Variants in SLC38A8 observed in about 807,000 individuals in gnomAD.
SLC38A8 encodes the protein amino acid transporter SLC38A8.
SLC38A8 carries 65 observed loss-of-function variants against 46.0 expected under a neutral mutation model. The ratio of observed to expected loss-of-function variants is 1.41; its 90% CI spans 1.16 to 1.74. The LOEUF (loss-of-function observed/expected upper bound fraction) is 1.74. Among genes scored for constraint, SLC38A8 ranks in the 40% most tolerant of loss-of-function variants. The probability of loss-of-function intolerance (pLI) is 0.00; values close to 1 mark genes in which losing one functional copy is unlikely to be tolerated. For missense variants in SLC38A8, 998 were observed against 567.9 expected (o/e 1.76, Z -7.70); for synonymous variants, 447 against 243.7 (o/e 1.83, Z -7.77).
chr16:84,012,768 G>A (rs1207493985), intron 10 of SLC38A8, among the ~76,000 whole-genome samples: 1 of 152,214 alleles, frequency 6.6e-6, no homozygotes, highest in African/African-American at 2.4e-5. Context: ...CCCAACCACA[G>A]ACCCTCAGAG....
At chr16:84,013,422 G>GTTTTTTTTGTT (rs369454720) in intron 9 of SLC38A8, among the ~76,000 whole-genome samples, 1 of 108,700 alleles carries the variant, frequency 9.2e-6, no homozygotes, top group Non-Finnish European at 1.8e-5. Flanking sequence ...TGTTGTGTGT[G>GTTTTTTTTGTT]TGTTTTTTTT....
At chr16:84,038,982 A>G (rs1176304787) in intron 2 of SLC38A8, among the ~76,000 whole-genome samples, 1 of 152,212 alleles carries the variant, frequency 6.6e-6, no homozygotes, top group Admixed American at 6.5e-5. Context: ...CCACAAGGAA[A>G]ATGTTAATTA....
At chr16:84,031,990 G>A (rs757693259) in intron 4 of SLC38A8, 22 bp from the exon 5 acceptor site, 1 of 1,603,442 alleles carries the variant, frequency 6.2e-7, no homozygotes, top group Non-Finnish European at 8.5e-7. Flanking sequence ...ACCGTGTGAG[G>A]GGCTGCGCAG....
chr16:84,019,236 G>A (rs538639828), intron 7 of SLC38A8, among the ~76,000 whole-genome samples: 13 of 152,034 alleles, frequency 8.6e-5, no homozygotes, highest in Admixed American at 2.6e-4. Context: ...CACCATGCTC[G>A]GCTATATTTT....
At chr16:84,038,048 C>T (rs1418837669) in intron 2 of SLC38A8, among the ~76,000 whole-genome samples, 3 of 151,176 alleles carry the variant, frequency 2.0e-5, no homozygotes, top group Admixed American at 6.6e-5. Context: ...CTATGGCTCA[C>T]GCCTGTAATC....
At position 84,017,201 on chromosome 16, in the gene SLC38A8, C is replaced by T. The variant is rs575070779; in HGVS notation, c.892G>A (p.Ala298Thr). 1.7e-5 allele frequency: 28 copies of T among 1,614,004 alleles called. No homozygotes were observed. Among genetic ancestry groups the T allele is most frequent in the Non-Finnish European group, 2.3e-5 (27 of 1,180,030 alleles). Reference sequence around the variant, plus strand: ...ATGGAGACAGCAAAAAGGACCCGGGCCACAATGATGACCATATCATTGCCT... The same window carrying T: ...ATGGAGACAGCAAAAAGGACCCGGGTCACAATGATGACCATATCATTGCCT... ...YPGNDMVIIV[A>T]RVLFAVSIVT... Residue 298 changes from alanine to threonine, a missense_variant, in exon 8 of 11, where the codon GCC becomes ACC. Coordinates refer to ENST00000299709, the MANE Select transcript of SLC38A8 (RefSeq NM_001080442.3).
intron 2 of SLC38A8, among the ~76,000 whole-genome samples, chr16:84,038,323 A>G (rs2085325400): frequency 6.6e-6 from 1 of 151,976 alleles, no homozygotes; most frequent in Non-Finnish European, 1.5e-5. Flanking sequence ...AAAAAAAAAA[A>G]TTCAGATGTA....
Position 84,031,859 on chromosome 16 carries a change from A to C in SLC38A8, c.632+8T>G. 6.2e-7 allele frequency: 1 copy of C among 1,613,448 alleles called. No individual in the cohort carries two copies. The highest frequency in any genetic ancestry group is 8.5e-7 in the Non-Finnish European group (1 of 1,179,514). On this transcript the variant is annotated splice_region_variant and intron_variant, in intron 5 of 10. Transcript: ENST00000299709. ...CGAGGCTGCCGGAAGCTGTTCCCTCAGACTTACCTCAGTGAAGGATGGGAC... is the reference window on the plus strand; with the variant it reads ...CGAGGCTGCCGGAAGCTGTTCCCTCCGACTTACCTCAGTGAAGGATGGGAC...
At chr16:84,036,944 C>A in intron 2 of SLC38A8, 44 bp from the exon 3 acceptor site, 1 of 1,531,204 alleles carries the variant, frequency 6.5e-7, no homozygotes. Flanking sequence ...GTGCCCACAG[C>A]CCACCCACCC....
Position 84,016,580 on chromosome 16 carries a change from G to T in SLC38A8, c.1101C>A (p.Asp367Glu). 6.2e-7 allele frequency: 1 copy of T among 1,614,114 alleles called. No homozygotes were observed. Among genetic ancestry groups the T allele is most frequent in the Non-Finnish European group, 8.5e-7 (1 of 1,180,034 alleles). ...CGATGATGCTGACGATCTCGCTGAG[G>T]TCAGGCATAAACAGCGCCATGGCGA... is the stretch of plus-strand genomic sequence containing the variant. ...VTLAMALFMP[D>E]LSEIVSIIGG... Residue 367 changes from aspartate to glutamate, a missense_variant, in exon 9 of 11, where the codon GAC (aspartate) becomes GAA (glutamate). Coordinates refer to ENST00000299709, the MANE Select transcript of SLC38A8 (RefSeq NM_001080442.3).
intron 6 of SLC38A8, among the ~76,000 whole-genome samples, chr16:84,025,110 C>T (rs2085146299): frequency 6.6e-6 from 1 of 152,064 alleles, no homozygotes; most frequent in South Asian, 2.1e-4. Context: ...GATGTACAGC[C>T]AGGGCTGGGC....
chr16:84,033,272 T>C (rs2085265669), intron 4 of SLC38A8, 56 bp downstream of exon 4: 2 of 1,611,822 alleles, frequency 1.2e-6, no homozygotes, highest in Non-Finnish European at 1.7e-6. Flanking sequence ...ACAGAAACCC[T>C]GACACAAACA....
intron 4 of SLC38A8, 106 bp downstream of exon 4, chr16:84,033,222 A>G: frequency 6.7e-7 from 1 of 1,485,536 alleles, no homozygotes; most frequent in East Asian, 2.3e-5. Context: ...CCTTCTCCAA[A>G]TGTGAAGGCC....
At chr16:84,037,412 C>T (rs144212285) in intron 2 of SLC38A8, among the ~76,000 whole-genome samples, 151 of 152,296 alleles carry the variant, frequency 9.9e-4, no homozygotes, top group African/African-American at 3.2e-3. Context: ...TGCTATGACA[C>T]GTCAGGACTG....
rs925508954 is a variant in SLC38A8, at chr16:84,031,984, T to G, written c.531-16A>C. The stretch of plus-strand genomic sequence containing the variant: ...GCCTAGGATGCTAACACAGTGACCG[T>G]GTGAGGGGCTGCGCAGTGGGTGACA... On this transcript the variant is annotated splice_polypyrimidine_tract_variant and intron_variant, in intron 4 of 10. Transcript: ENST00000299709. 1.2e-6 allele frequency: 2 copies of G among 1,609,252 alleles called. No individual in the cohort carries two copies. The highest frequency in any genetic ancestry group is 1.7e-6 in the Non-Finnish European group (2 of 1,175,812).
At chr16:84,019,430 T>C (rs7200174) in intron 7 of SLC38A8, among the ~76,000 whole-genome samples, 36,267 of 152,094 alleles carry the variant, frequency 0.24, 5,774 homozygotes, top group Non-Finnish European at 0.34. Context: ...TGGCAGATGG[T>C]GCATCCTTCA....
At chr16:84,035,901 T>A (rs1250625864) in intron 3 of SLC38A8, among the ~76,000 whole-genome samples, 1 of 152,230 alleles carries the variant, frequency 6.6e-6, no homozygotes, top group Non-Finnish European at 1.5e-5. Flanking sequence ...ATTAATATGG[T>A]TGCAATGACG....
At chr16:84,021,759 G>C (rs1254934534) in intron 7 of SLC38A8, among the ~76,000 whole-genome samples, 1 of 152,234 alleles carries the variant, frequency 6.6e-6, no homozygotes, top group Admixed American at 6.5e-5. Flanking sequence ...ACAACAGAAT[G>C]CCTGAAATTG....
rs146126156 is a variant in SLC38A8 at position 84,019,310 on chromosome 16, G to A, written c.806-2023C>T. Among the ~76,000 whole-genome samples, 1,083 of 152,110 alleles carry A rather than the reference G, an allele frequency of 7.1e-3. 12 individuals carry two copies. Among genetic ancestry groups the A allele is most frequent in the African/African-American group, 0.025 (1,051 of 41,488 alleles). On this transcript the variant is annotated intron_variant, in intron 7 of 10. Coordinates refer to ENST00000299709, the MANE Select transcript of SLC38A8 (RefSeq NM_001080442.3). ...AGGATGCTCTCGATCTCCTGACCTC[G>A]TAATCCACCTGCCTCAGCCTACCAT...
Sources: allele counts gnomAD v4.1 joint callset (sites outside exome capture counted in the v4.1 genomes callset), GRCh38; gene constraint gnomAD v4.1.1; transcripts MANE v1.5; gene names NCBI Gene and HGNC (gene_info 2026-07-23, HGNC 2026-07-21).